MTIF2: variants seen among roughly 807,000 people sequenced by gnomAD.
The protein encoded by MTIF2 is mitochondrial translational initiation factor 2.
A neutral mutation model predicts 83.5 loss-of-function variants in MTIF2; 71 were observed. The observed-to-expected ratio is 0.85, with a 90% CI of 0.70 to 1.04. The LOEUF (loss-of-function observed/expected upper bound fraction) is 1.04, where lower values mean the gene tolerates loss of function less well. Among genes scored for constraint, MTIF2 ranks in the 50% least tolerant of loss-of-function variants. MTIF2 has a pLI of 0.00. For missense variants in MTIF2, 957 were observed against 846.5 expected (o/e 1.13, Z -1.62); for synonymous variants, 319 against 287.1 (o/e 1.11, Z -1.12).
chr2:55,251,561 C>G lies in MTIF2; in HGVS notation c.841+916G>C, dbSNP rs540086166. Among the ~76,000 whole-genome samples the G allele has an allele frequency of 2.0e-5, 3 of 152,220 alleles. No homozygotes were observed. In the East Asian group the frequency reaches 5.8e-4, roughly 29 times the overall value. On this transcript the variant is annotated intron_variant, in intron 8 of 15. Coordinates refer to ENST00000263629, the MANE Select transcript of MTIF2 (RefSeq NM_002453.3). The stretch of plus-strand genomic sequence containing the variant: ...CTGGGGGTAATATGACACACTTTAT[C>G]GAGTACATTTTCTCAGTAAGGGTAG...
Position 55,254,671 on chromosome 2 carries a change from A to AT in MTIF2, c.485dup (p.Asn162LysfsTer2), listed in dbSNP as rs1372711725. ...AGTTTTACCTTCTTACAGCATCTTT[A>AT]TTTTTTCTGACTTTGTCCTGTTTTA... On this transcript the variant is annotated frameshift_variant, in exon 6 of 16. Coordinates refer to ENST00000263629, the MANE Select transcript of MTIF2 (RefSeq NM_002453.3). LOFTEE classifies it high-confidence loss of function. 6.2e-7 allele frequency: 1 copy of AT among 1,601,032 alleles called. No individual in the cohort carries two copies. The highest frequency in any genetic ancestry group is 8.5e-7 in the Non-Finnish European group (1 of 1,174,396).
intron 14 of MTIF2, 137 bp from the exon 15 acceptor site, chr2:55,237,565 TTAACTC>T (rs1259444788): frequency 3.2e-6 from 2 of 616,330 alleles, no homozygotes; most frequent in African/African-American, 3.8e-5. Context: ...CTGGGTTTCT[TTAACTC>T]CAATTTTATT....
intron 11 of MTIF2, 37 bp downstream of exon 11, chr2:55,243,992 T>C: frequency 1.4e-6 from 2 of 1,473,414 alleles, no homozygotes; most frequent in Non-Finnish European, 9.2e-7. Context: ...AAAATCATTA[T>C]ATTATATCTA....
chr2:55,244,352 T>G (rs1676540497), intron 10 of MTIF2, 119 bp from the exon 11 acceptor site: 1 of 783,350 alleles, frequency 1.3e-6, no homozygotes, highest in Non-Finnish European at 2.0e-6. Flanking sequence ...TTCCACCACT[T>G]CTTAACTTAA....
chr2:55,266,078 G>T (rs918573824), intron 3 of MTIF2, among the ~76,000 whole-genome samples: 1 of 152,032 alleles, frequency 6.6e-6, no homozygotes, highest in South Asian at 2.1e-4. Context: ...TGCGGCAGCG[G>T]GGGTCCTGGA....
intron 4 of MTIF2, 70 bp from the exon 5 acceptor site, chr2:55,262,497 C>T (rs909802873): frequency 6.4e-6 from 5 of 783,200 alleles, no homozygotes; most frequent in Non-Finnish European, 1.1e-5. Context: ...GATTTATTCT[C>T]AAATATCTAC....
Position 55,242,872 on chromosome 2 carries a change from AAGAC to A in MTIF2, c.1705+64_1705+67del, listed in dbSNP as rs1048363084. On this transcript the variant is annotated intron_variant, in intron 13 of 15. Coordinates refer to ENST00000263629, the MANE Select transcript of MTIF2 (RefSeq NM_002453.3). The stretch of plus-strand genomic sequence containing the variant: ...TCAGGTGTGACAAGCCAAGCAACAA[AAGAC>A]AGAAGCAGATGGTTCAGTGTTATTT... The A allele has an allele frequency of 2.0e-6, 3 of 1,502,898 alleles. No individual in the cohort carries two copies. In the African/African-American group the frequency reaches 4.2e-5, roughly 21 times the overall value. 93.1% of individuals were successfully genotyped at this position (1,502,898 alleles called of 1,614,324 possible).
At chr2:55,241,926 C>T (rs2104305321) in intron 13 of MTIF2, among the ~76,000 whole-genome samples, 1 of 152,062 alleles carries the variant, frequency 6.6e-6, no homozygotes, top group Middle Eastern at 3.4e-3. Flanking sequence ...AACAGGTAGA[C>T]CACCTAGGTC....
chr2:55,263,436 A>G (rs956951337), intron 4 of MTIF2, among the ~76,000 whole-genome samples: 1 of 152,198 alleles, frequency 6.6e-6, no homozygotes, highest in Non-Finnish European at 1.5e-5. Context: ...ACCGAGTAAT[A>G]AAATAACTTA....
Position 55,236,764 on chromosome 2 carries a change from T to G in MTIF2, c.2068A>C (p.Met690Leu), listed in dbSNP as rs140911959. ...TCATCTAAACTGAGACCACAATCCA[T>G]TCCCGTTTTGACAATTGAAATGTCA... ...KDDISIVKTG[M>L]DCGLSLDEDN... Residue 690 changes from methionine (M) to leucine (L), a missense_variant, in exon 16 of 16, where the codon ATG becomes CTG. Met to Leu is a conservative substitution (Grantham distance 15). Around this residue, in one of 3 missense-constraint regions of MTIF2, gnomAD observed 221 missense variants for 180.6 expected, o/e 1.22. Coordinates refer to ENST00000263629, the MANE Select transcript of MTIF2 (RefSeq NM_002453.3). 99 of 1,611,102 alleles carry G rather than the reference T, an allele frequency of 6.1e-5. No individual in the cohort carries two copies. The highest frequency in any genetic ancestry group is 1.7e-5 in the Admixed American group (1 of 59,360).
At position 55,254,672 on chromosome 2, in the gene MTIF2, T is replaced by C. The variant is rs1462737198; in HGVS notation, c.485A>G (p.Asn162Ser). 2 of 1,604,038 alleles carry C rather than the reference T, an allele frequency of 1.2e-6. No homozygotes were observed. The highest frequency in any genetic ancestry group is 1.7e-5 in the Admixed American group (1 of 58,096). Residue 162 changes from asparagine (N) to serine (S), a missense_variant, in exon 6 of 16, where the codon AAT (asparagine) becomes AGT (serine). Physicochemically the swap from Asn to Ser is conservative, Grantham distance 46. Transcript: ENST00000263629. ...GTTTTACCTTCTTACAGCATCTTTA[T>C]TTTTTCTGACTTTGTCCTGTTTTAA... ...SKLKQDKVRK[N>S]KDAVRRPQAD...
chr2:55,254,646 A>G lies in MTIF2; in HGVS notation c.503+8T>C. ...CAAACCCTGCCAGTATATACAGTTAAGTTTTACCTTCTTACAGCATCTTTA... is the reference window on the plus strand; with the variant it reads ...CAAACCCTGCCAGTATATACAGTTAGGTTTTACCTTCTTACAGCATCTTTA... On this transcript the variant is annotated splice_region_variant and intron_variant, in intron 6 of 15. Coordinates refer to ENST00000263629, the MANE Select transcript of MTIF2 (RefSeq NM_002453.3). 1 of 1,590,028 alleles carries G rather than the reference A, an allele frequency of 6.3e-7. No homozygotes were observed. The highest frequency in any genetic ancestry group is 8.6e-7 in the Non-Finnish European group (1 of 1,168,724).
chr2:55,253,399 C>T (rs1004510308), intron 7 of MTIF2, among the ~76,000 whole-genome samples: 2 of 152,162 alleles, frequency 1.3e-5, no homozygotes, highest in South Asian at 2.1e-4. Context: ...CAATTTTCAG[C>T]CAGGCGCGGT....
At chr2:55,259,079 T>A (rs1489490931) in intron 5 of MTIF2, among the ~76,000 whole-genome samples, 1 of 152,192 alleles carries the variant, frequency 6.6e-6, no homozygotes, top group Non-Finnish European at 1.5e-5. Flanking sequence ...AGAGGTAGCT[T>A]ACACAGAGAG....
chr2:55,241,140 G>A (rs569286867), intron 13 of MTIF2, among the ~76,000 whole-genome samples: 19 of 149,464 alleles, frequency 1.3e-4, no homozygotes, highest in Admixed American at 2.7e-4. Flanking sequence ...TAACCTGGAC[G>A]GGCACGGTGG....
At chr2:55,254,530 C>G (rs372150486) in intron 6 of MTIF2, 124 bp downstream of exon 6, 2 of 805,340 alleles carry the variant, frequency 2.5e-6, no homozygotes, top group East Asian at 2.8e-5. Context: ...TTAAGTACTT[C>G]GAAGTTTATA....
chr2:55,245,966 T>C (rs1383512087), intron 10 of MTIF2, among the ~76,000 whole-genome samples: 1 of 152,184 alleles, frequency 6.6e-6, no homozygotes, highest in South Asian at 2.1e-4. Flanking sequence ...ATTATATTAA[T>C]GGGTAAAGTA....
At chr2:55,237,841 G>C (rs1676002379) in intron 14 of MTIF2, among the ~76,000 whole-genome samples, 1 of 151,496 alleles carries the variant, frequency 6.6e-6, no homozygotes, top group East Asian at 1.9e-4. Context: ...AGTAGAGACG[G>C]GGTTTCACCA....
At position 55,247,583 on chromosome 2, in the gene MTIF2, TAAAAC is replaced by T. The variant is rs767485495; in HGVS notation, c.982-1127_982-1123del. Among the ~76,000 whole-genome samples, 36 of 152,138 alleles carry T rather than the reference TAAAAC, an allele frequency of 2.4e-4. 1 individual carries two copies. The highest frequency in any genetic ancestry group is 7.5e-4 in the African/African-American group (31 of 41,524). ...CAAAAAATAAAACAATAGACAACTG[TAAAAC>T]AAAACAAAACAAAACAAAAAAATTG... On this transcript the variant is annotated intron_variant, in intron 9 of 15. Coordinates refer to ENST00000263629, the MANE Select transcript of MTIF2 (RefSeq NM_002453.3).
Sources: gnomAD v4.1 joint callset for allele counts (sites outside exome capture counted in the v4.1 genomes callset) on GRCh38, gnomAD v4.1.1 for gene constraint, gnomAD v4.1.1 regional missense constraint, MANE v1.5 for transcripts, NCBI Gene and HGNC (gene_info 2026-07-23, HGNC 2026-07-21) for gene names.